The following LRIG1 variants were observed in gnomAD, a reference collection of about 807,000 sequenced individuals.
The protein encoded by LRIG1 is leucine rich repeats and immunoglobulin like domains 1.
In LRIG1, 48 loss-of-function variants were observed where a neutral mutation model predicts 99.2. The observed-to-expected ratio is 0.48, with a 90% CI of 0.38 to 0.62. The LOEUF (loss-of-function observed/expected upper bound fraction) is 0.62. LRIG1 is among the 20% of genes least tolerant of loss of function. LRIG1 has a pLI of 0.00. For synonymous variants in LRIG1, 772 were observed against 596.1 expected (o/e 1.29, Z -4.30); for missense variants, 1,646 against 1,434.4 (o/e 1.15, Z -2.38).
At position 66,386,123 on chromosome 3, in the gene LRIG1, G is replaced by A. The variant is rs138398023; in HGVS notation, c.1647C>T (p.His549=). 7.8e-5 allele frequency: 126 copies of A among 1,614,166 alleles called. 1 individual carries two copies. The African/African-American group carries it at 1.0e-3, about 13-fold the overall frequency. ...ACTCCATCACTTCCCCGTCCTGCGC[G>A]TGGACGTGGACAAAGTTCTCCATGT... ...NADMENFVHV[H]AQDGEVMEYT... Residue 549 remains histidine, a synonymous_variant, in exon 13 of 19, where the codon CAC becomes CAT. Transcript: ENST00000273261.
At chr3:66,439,667 A>C (rs1039143244) in intron 3 of LRIG1, among the ~76,000 whole-genome samples, 2 of 152,100 alleles carry the variant, frequency 1.3e-5, no homozygotes, top group Non-Finnish European at 2.9e-5. Flanking sequence ...TTTACTATAA[A>C]GAGAGTTTTT....
intron 14 of LRIG1, among the ~76,000 whole-genome samples, 182 bp downstream of exon 14, chr3:66,383,804 ATTTCT>A (rs1358698399): frequency 1.3e-5 from 2 of 152,204 alleles, no homozygotes; most frequent in African/African-American, 4.8e-5. Flanking sequence ...ACCAGCTATC[ATTTCT>A]TTTAAAGAGA....
rs1349667301 is a variant in LRIG1, at chr3:66,399,117, AAAAAG to A, written c.1161-81_1161-77del. On this transcript the variant is annotated intron_variant, in intron 9 of 18. Coordinates refer to ENST00000273261, the MANE Select transcript of LRIG1 (RefSeq NM_015541.3). ...AGGAAGGGTTGAGAGAAAGAAAAAG[AAAAAG>A]AAAACACACAATTAAGGTAGTGCTA... 4 of 1,242,872 alleles carry A rather than the reference AAAAAG, an allele frequency of 3.2e-6. No individual in the cohort carries two copies. In the African/African-American group the frequency reaches 5.9e-5, roughly 18 times the overall value. 77.0% of individuals were successfully genotyped at this position (1,242,872 alleles called of 1,614,324 possible).
chr3:66,405,355 T>A (rs750829708), intron 8 of LRIG1, 77 bp from the exon 9 acceptor site: 8 of 1,219,018 alleles, frequency 6.6e-6, no homozygotes, highest in Non-Finnish European at 8.5e-6. Flanking sequence ...AGCCTGCTGC[T>A]CGGAAGCTGA....
chr3:66,443,107 C>T (rs1278759168), intron 3 of LRIG1, among the ~76,000 whole-genome samples: 3 of 152,124 alleles, frequency 2.0e-5, no homozygotes, highest in Admixed American at 2.0e-4. Context: ...GCAGTCTGCA[C>T]TACGGAATCC....
rs762753819 is a variant in LRIG1 at position 66,383,399 on chromosome 3, T to A, written c.2074A>T (p.Thr692Ser). The change falls in exon 15 of 19, where the codon ACC (threonine) becomes TCC (serine). Residue 692 changes from threonine (T) to serine (S), a missense_variant and splice_region_variant. By Grantham distance (58) the Thr-to-Ser change is moderately conservative. Coordinates refer to ENST00000273261, the MANE Select transcript of LRIG1 (RefSeq NM_015541.3). ...SANATLTVLE[T>S]PSLVVPLEDR... The stretch of plus-strand genomic sequence containing the variant: ...TCCAAGGGGACCACCAAGGATGGGG[T>A]CTCTACAAGAGAGCAACAGAGATCT... 85 of 1,552,322 alleles carry A rather than the reference T, an allele frequency of 5.5e-5. No homozygotes were observed. The highest frequency in any genetic ancestry group is 5.7e-5 in the Non-Finnish European group (65 of 1,144,424).
At chr3:66,466,024 CAT>C (rs1250500337) in intron 1 of LRIG1, among the ~76,000 whole-genome samples, 28 of 152,278 alleles carry the variant, frequency 1.8e-4, no homozygotes, top group East Asian at 1.7e-3. Context: ...CATGTTGTCA[CAT>C]GTGTCAGAAT....
chr3:66,460,767 T>G (rs1008614538), intron 2 of LRIG1, among the ~76,000 whole-genome samples: 2 of 152,210 alleles, frequency 1.3e-5, no homozygotes, highest in African/African-American at 4.8e-5. Flanking sequence ...TCAAACTTCC[T>G]TTCCCCTGCC....
chr3:66,489,565 C>G lies in LRIG1; in HGVS notation c.218+10625G>C, dbSNP rs559270242. ...TGTGTGTGTGTGTCTAACACACACACAGAGAGAGAGAGAATGTTTAAGTAT... is the reference window on the plus strand; with the variant it reads ...TGTGTGTGTGTGTCTAACACACACAGAGAGAGAGAGAGAATGTTTAAGTAT... On this transcript the variant is annotated intron_variant, in intron 1 of 18. Coordinates refer to ENST00000273261, the MANE Select transcript of LRIG1 (RefSeq NM_015541.3). 2.4e-3 allele frequency among the ~76,000 whole-genome samples: 355 copies of G among 150,418 alleles called. 2 individuals are homozygous for G. Among genetic ancestry groups the G allele is most frequent in the Admixed American group, 8.8e-3 (133 of 15,186 alleles).
intron 7 of LRIG1, among the ~76,000 whole-genome samples, chr3:66,408,388 AAC>A (rs1371134962): frequency 9.9e-5 from 15 of 152,168 alleles, no homozygotes; most frequent in Admixed American, 7.2e-4. Flanking sequence ...AGGGGTGGGA[AAC>A]ACATGCTGGG....
chr3:66,440,955 CAT>C (rs1703517576), intron 3 of LRIG1, among the ~76,000 whole-genome samples: 2 of 152,206 alleles, frequency 1.3e-5, no homozygotes, highest in African/African-American at 2.4e-5. Flanking sequence ...ATAAAGCCCA[CAT>C]GATGCCTGAA....
intron 1 of LRIG1, among the ~76,000 whole-genome samples, chr3:66,477,599 G>C (rs1329355045): frequency 2.0e-5 from 3 of 152,162 alleles, no homozygotes; most frequent in African/African-American, 7.2e-5. Context: ...CTTATTACAA[G>C]GAGAAGATAA....
chr3:66,485,279 G>A (rs1331290620), intron 1 of LRIG1, among the ~76,000 whole-genome samples: 5 of 152,046 alleles, frequency 3.3e-5, no homozygotes, highest in African/African-American at 1.2e-4. Context: ...GGTCACTGGC[G>A]GCCACAGCAC....
intron 3 of LRIG1, among the ~76,000 whole-genome samples, chr3:66,427,453 C>T (rs950825045): frequency 4.6e-5 from 7 of 152,072 alleles, no homozygotes; most frequent in Middle Eastern, 3.2e-3. Flanking sequence ...CTGCAAATGC[C>T]AAAAAACATT....
chr3:66,494,433 C>G (rs550064335), intron 1 of LRIG1, among the ~76,000 whole-genome samples: 1 of 152,158 alleles, frequency 6.6e-6, no homozygotes. Flanking sequence ...TTCTCTCCCC[C>G]AGTCAATAAC....
In LRIG1 at chr3:66,407,333, T is replaced by C. The variant is rs113098278; in HGVS notation, c.1079+15A>G. On this transcript the variant is annotated intron_variant, in intron 8 of 18. Coordinates refer to ENST00000273261, the MANE Select transcript of LRIG1 (RefSeq NM_015541.3). ...ACTGGGGACCCCTTTATCCTGTCAG[T>C]AGTGGGAGACGTACAAGACTCGCAG... 3.9e-5 allele frequency: 63 copies of C among 1,613,916 alleles called. No individual in the cohort carries two copies. The African/African-American group carries it at 5.9e-4, about 15-fold the overall frequency.
intron 3 of LRIG1, among the ~76,000 whole-genome samples, chr3:66,426,495 G>A (rs936163439): frequency 5.9e-5 from 9 of 152,066 alleles, no homozygotes; most frequent in Non-Finnish European, 8.8e-5. Flanking sequence ...TCTCTACCTC[G>A]TTTAACCACC....
chr3:66,381,867 C>T (rs1367413720), intron 16 of LRIG1, among the ~76,000 whole-genome samples: 1 of 152,018 alleles, frequency 6.6e-6, no homozygotes, highest in Admixed American at 6.6e-5. Context: ...CAGGCAAGTG[C>T]TCAGAGGCCC....
intron 3 of LRIG1, among the ~76,000 whole-genome samples, chr3:66,422,325 C>T (rs1318425092): frequency 1.3e-5 from 2 of 152,184 alleles, no homozygotes; most frequent in East Asian, 3.8e-4. Flanking sequence ...TGTTCTGTTT[C>T]CCTTTTGAAA....
Sources: allele counts gnomAD v4.1 joint callset (sites outside exome capture counted in the v4.1 genomes callset), GRCh38; gene constraint gnomAD v4.1.1; transcripts MANE v1.5; gene names NCBI Gene and HGNC (gene_info 2026-07-23, HGNC 2026-07-21).